The following UBE3A variants were observed in gnomAD, a reference collection of about 807,000 sequenced individuals.
The protein encoded by UBE3A is ubiquitin-protein ligase E3A.
Under a neutral mutation model 83.4 loss-of-function variants are expected in UBE3A, and 6 were observed. The ratio of observed to expected loss-of-function variants is 0.07; its 90% CI spans 0.04 to 0.14. UBE3A has a LOEUF of 0.14. Ranked by LOEUF, UBE3A falls within the 10% of genes least tolerant of loss-of-function variation. The pLI is 1.00. For synonymous variants in UBE3A, 337 were observed against 355.4 expected (o/e 0.95, Z 0.58); for missense variants, 456 against 1,036.1 (o/e 0.44, Z 7.69).
intron 4 of UBE3A, among the ~76,000 whole-genome samples, chr15:25,390,607 G>A (rs559199738): frequency 5.3e-5 from 8 of 152,218 alleles, no homozygotes; most frequent in African/African-American, 1.7e-4. Context: ...TAAAAGGATC[G>A]GTGATTGCCA....
rs1047907440 is a variant in UBE3A, at chr15:25,335,504, G to A, written c.*3633C>T. 6.6e-6 allele frequency: 1 copy of A among 152,184 alleles called. No individual in the cohort carries two copies. The highest frequency in any genetic ancestry group is 6.5e-5 in the Admixed American group (1 of 15,272). The allele number at this position is 152,184 out of a possible 1,614,324, so 9.4% of individuals were successfully genotyped here. ...GCTAAGAATGTCCGGGTGAGTCAGA[G>A]GATCAGGACCTGTAAGGGCAGTATA... On this transcript the variant is annotated 3_prime_UTR_variant, in exon 13 of 13. Transcript: ENST00000648336.
intron 4 of UBE3A, among the ~76,000 whole-genome samples, chr15:25,398,790 TATATATATATATATATATATATATAAAA>T (rs1245528248): frequency 3.0e-5 from 2 of 66,016 alleles, no homozygotes; most frequent in Non-Finnish European, 5.8e-5. Context: ...TATATATATA[TATATATATATATATATATATATATAAAA>T]ATACATATAT....
intron 4 of UBE3A, among the ~76,000 whole-genome samples, chr15:25,401,756 G>A (rs1474146576): frequency 6.6e-6 from 1 of 151,704 alleles, no homozygotes; most frequent in Admixed American, 6.6e-5. Context: ...TTTATCTTGA[G>A]TCATCTCTTT....
chr15:25,387,305 T>C (rs1279437428), intron 4 of UBE3A, among the ~76,000 whole-genome samples: 2 of 152,062 alleles, frequency 1.3e-5, no homozygotes, highest in Non-Finnish European at 2.9e-5. Context: ...GTGGATCACA[T>C]GGTCAGGAGA....
intron 3 of UBE3A, chr15:25,407,418 A>G (rs542484302): frequency 2.7e-4 from 96 of 359,006 alleles, no homozygotes; most frequent in African/African-American, 2.0e-3. Context: ...AGAAAAACAA[A>G]TCTAAGTCTT....
At chr15:25,435,163 G>A (rs1366526085) in intron 1 of UBE3A, among the ~76,000 whole-genome samples, 1 of 148,334 alleles carries the variant, frequency 6.7e-6, no homozygotes, top group Non-Finnish European at 1.5e-5. Context: ...AGGAGGTATT[G>A]AGTCCATAGA....
chr15:25,397,204 A>G (rs1398551646), intron 4 of UBE3A, among the ~76,000 whole-genome samples: 1 of 10,314 alleles, frequency 9.7e-5, no homozygotes, highest in Non-Finnish European at 6.4e-3. Context: ...AATTATGGCT[A>G]GAAACTTAAA....
chr15:25,409,447 C>T (rs1373207044), intron 2 of UBE3A: 2 of 206,546 alleles, frequency 9.7e-6, no homozygotes, highest in Admixed American at 1.1e-4. Context: ...GTTTCTGAAG[C>T]ATTTTGGTCA....
At chr15:25,420,473 A>G (rs1283988251) in intron 1 of UBE3A, among the ~76,000 whole-genome samples, 1 of 152,202 alleles carries the variant, frequency 6.6e-6, no homozygotes, top group Non-Finnish European at 1.5e-5. Flanking sequence ...GTAAGGATAC[A>G]GAAGAAATAC....
intron 12 of UBE3A, 74 bp downstream of exon 12, chr15:25,340,011 G>C: frequency 6.4e-7 from 1 of 1,570,846 alleles, no homozygotes; most frequent in Non-Finnish European, 8.8e-7. Context: ...AAACTATAAA[G>C]ACAGTTCATA....
chr15:25,356,310 G>C (rs923232164), intron 8 of UBE3A, among the ~76,000 whole-genome samples: 1 of 149,588 alleles, frequency 6.7e-6, no homozygotes, highest in Non-Finnish European at 1.5e-5. Flanking sequence ...TGCTCTATGA[G>C]AAATTCTGTG....
chr15:25,345,220 TA>T (rs1307234788), intron 11 of UBE3A, among the ~76,000 whole-genome samples: 1 of 152,090 alleles, frequency 6.6e-6, no homozygotes, highest in African/African-American at 2.4e-5. Context: ...CTTAAAGTTT[TA>T]AAAAGTTCTA....
In UBE3A at chr15:25,370,635, T is replaced by C. The variant is rs2152820058; in HGVS notation, c.1539A>G (p.Gly513=). Residue 513 remains glycine (G), a synonymous_variant, in exon 6 of 13, where the codon GGA becomes GGG. Transcript: ENST00000648336. This position sits in a 1 kb window ranked among gnomAD's most constrained non-coding sequence, Gnocchi z 4.2. ...RITVLYSLVQ[G]QQLNPYLRLK... Reference sequence around the variant, plus strand: ...GTCTCAAATATGGATTCAACTGCTGTCCTTGAACTAAGCTGTAGAGAACAG... The same window carrying C: ...GTCTCAAATATGGATTCAACTGCTGCCCTTGAACTAAGCTGTAGAGAACAG... 1 of 1,614,136 alleles carries C rather than the reference T, an allele frequency of 6.2e-7. No individual in the cohort carries two copies. The highest frequency in any genetic ancestry group is 8.5e-7 in the Non-Finnish European group (1 of 1,179,996).
At chr15:25,424,885 A>C (rs1890876451) in intron 1 of UBE3A, among the ~76,000 whole-genome samples, 1 of 152,198 alleles carries the variant, frequency 6.6e-6, no homozygotes, top group Non-Finnish European at 1.5e-5. Flanking sequence ...AAATGGAAAG[A>C]TATCCCATGC....
At chr15:25,437,726 T>C (rs920264500) in intron 1 of UBE3A, among the ~76,000 whole-genome samples, 1 of 152,212 alleles carries the variant, frequency 6.6e-6, no homozygotes, top group African/African-American at 2.4e-5. Flanking sequence ...CACCAGTGTC[T>C]GTATTAAAAT....
At chr15:25,436,893 G>A (rs898995925) in intron 1 of UBE3A, among the ~76,000 whole-genome samples, 4 of 152,190 alleles carry the variant, frequency 2.6e-5, no homozygotes, top group African/African-American at 7.2e-5. Context: ...ATGTCCAGAG[G>A]ATAGTGAGCA....
intron 11 of UBE3A, among the ~76,000 whole-genome samples, chr15:25,349,506 T>C (rs1440757754): frequency 1.3e-5 from 2 of 152,172 alleles, no homozygotes; most frequent in Admixed American, 1.3e-4. Context: ...GCCTTTTATA[T>C]AGAATATACA....
At chr15:25,427,148 C>G (rs1426748724) in intron 1 of UBE3A, among the ~76,000 whole-genome samples, 1 of 151,904 alleles carries the variant, frequency 6.6e-6, no homozygotes, top group African/African-American at 2.4e-5. Context: ...TCAGCACTTA[C>G]AAATAACTGA....
chr15:25,419,874 G>GT (rs1343879026), intron 1 of UBE3A, among the ~76,000 whole-genome samples: 1 of 151,932 alleles, frequency 6.6e-6, no homozygotes, highest in Non-Finnish European at 1.5e-5. Flanking sequence ...AATCCTAGAA[G>GT]TATCACTGGG....
Sources: gnomAD v4.1 joint callset for allele counts (sites outside exome capture counted in the v4.1 genomes callset) on GRCh38, gnomAD v4.1.1 for gene constraint, Gnocchi (gnomAD v3.1) non-coding constraint, MANE v1.5 for transcripts, NCBI Gene and HGNC (gene_info 2026-07-23, HGNC 2026-07-21) for gene names.